Variants in USP54 observed in about 807,000 individuals in gnomAD.
USP54 encodes ubiquitin specific peptidase 54, also known as ubiquitin carboxyl-terminal hydrolase 54.
Under a neutral mutation model 170.5 loss-of-function variants are expected in USP54, and 87 were observed. The observed-to-expected ratio is 0.51, with a 90% CI of 0.43 to 0.61. The LOEUF (loss-of-function observed/expected upper bound fraction) is 0.61. Ranked by LOEUF, USP54 falls within the 20% of genes least tolerant of loss-of-function variation. USP54 has a pLI of 0.00. For missense variants in USP54, 1,786 were observed against 2,047.8 expected (o/e 0.87, Z 2.47); for synonymous variants, 655 against 742.8 (o/e 0.88, Z 1.92).
chr10:73,530,025 A>C, intron 14 of USP54, 114 bp from the exon 15 acceptor site: 1 of 1,499,534 alleles, frequency 6.7e-7, no homozygotes, highest in Non-Finnish European at 8.9e-7. Context: ...CATATCCCTA[A>C]AACACCCGAC....
chr10:73,551,711 T>C (rs919392591), intron 4 of USP54, among the ~76,000 whole-genome samples: 4 of 152,236 alleles, frequency 2.6e-5, no homozygotes, highest in African/African-American at 9.6e-5. Context: ...AAATTACTGC[T>C]GACATAGGCT....
At chr10:73,556,087 A>G (rs2070906952) in intron 4 of USP54, among the ~76,000 whole-genome samples, 1 of 152,184 alleles carries the variant, frequency 6.6e-6, no homozygotes, top group South Asian at 2.1e-4. Context: ...AAAACAATGA[A>G]GTTAACTCAA....
At chr10:73,500,601 G>A in intron 23 of USP54, 54 bp downstream of exon 23, 1 of 1,506,850 alleles carries the variant, frequency 6.6e-7, no homozygotes. Context: ...ACCCTTGGAG[G>A]CCCCTGAAAA....
In USP54 at chr10:73,535,933, A is replaced by G. The variant is rs556758938; in HGVS notation, c.1144+336T>C. Among the ~76,000 whole-genome samples, 278 of 152,344 alleles carry G rather than the reference A, an allele frequency of 1.8e-3. 1 individual carries two copies. Among genetic ancestry groups the G allele is most frequent in the African/African-American group, 5.9e-3 (244 of 41,572 alleles). Reference sequence around the variant, plus strand: ...TCAAATAAAACAACTCAATTAAGTCACTGGTAAATTGCTAATAAAAATCAG... The same window carrying G: ...TCAAATAAAACAACTCAATTAAGTCGCTGGTAAATTGCTAATAAAAATCAG... On this transcript the variant is annotated intron_variant, in intron 11 of 23. Coordinates refer to ENST00000687698, the MANE Select transcript of USP54 (RefSeq NM_001391956.1).
chr10:73,597,256 G>A (rs2078808980), intron 1 of USP54, among the ~76,000 whole-genome samples: 1 of 152,168 alleles, frequency 6.6e-6, no homozygotes, highest in Non-Finnish European at 1.5e-5. Flanking sequence ...CTTCTTGCCT[G>A]GGGACTAGAC....
chr10:73,624,518 T>C (rs1283917676), intron 1 of USP54: 1 of 151,862 alleles, frequency 6.6e-6, no homozygotes, highest in East Asian at 1.9e-4. Flanking sequence ...AAAAAGCCAT[T>C]ATTCTAATTA....
intron 17 of USP54, 123 bp from the exon 18 acceptor site, chr10:73,521,150 T>G: frequency 7.8e-7 from 1 of 1,285,906 alleles, no homozygotes; most frequent in Non-Finnish European, 1.1e-6. Context: ...TTATTCCAAC[T>G]GTCTATTCCT....
chr10:73,532,072 T>C (rs967266318), intron 12 of USP54, among the ~76,000 whole-genome samples: 1 of 152,230 alleles, frequency 6.6e-6, no homozygotes, highest in African/African-American at 2.4e-5. Context: ...ATATTTTCAA[T>C]CAGTTGCCCC....
At chr10:73,577,672 C>T (rs575873316) in intron 1 of USP54, among the ~76,000 whole-genome samples, 1 of 152,312 alleles carries the variant, frequency 6.6e-6, no homozygotes, top group African/African-American at 2.4e-5. Flanking sequence ...CCCAATTCAA[C>T]ACTGGTAAGT....
intron 20 of USP54, among the ~76,000 whole-genome samples, chr10:73,512,559 G>A (rs959605973): frequency 2.0e-5 from 3 of 151,996 alleles, no homozygotes; most frequent in Admixed American, 6.6e-5. Flanking sequence ...CCAGGCTGGA[G>A]GAGAGTGGCT....
chr10:73,502,093 TG>T (rs1434909443), intron 22 of USP54, among the ~76,000 whole-genome samples: 1 of 152,214 alleles, frequency 6.6e-6, no homozygotes, highest in Non-Finnish European at 1.5e-5. Flanking sequence ...TAGAACAATG[TG>T]GGCACTTAGT....
intron 3 of USP54, 67 bp downstream of exon 3, chr10:73,575,445 G>A (rs185599653): frequency 6.8e-7 from 1 of 1,460,852 alleles, no homozygotes; most frequent in African/African-American, 1.4e-5. Flanking sequence ...TTTAAAAAGA[G>A]TTATCAGAAA....
chr10:73,621,500 T>C (rs1401218295), intron 1 of USP54, among the ~76,000 whole-genome samples: 1 of 148,556 alleles, frequency 6.7e-6, no homozygotes, highest in African/African-American at 2.5e-5. Flanking sequence ...CTCAGGAGGC[T>C]GAGGCAGAAG....
At chr10:73,533,198 C>T (rs369168005) in intron 12 of USP54, among the ~76,000 whole-genome samples, 6 of 151,496 alleles carry the variant, frequency 4.0e-5, no homozygotes, top group African/African-American at 9.7e-5. Flanking sequence ...CCCAGCTACT[C>T]GGGAGGCTGA....
chr10:73,583,451 A>C (rs1449854620), intron 1 of USP54, among the ~76,000 whole-genome samples: 1 of 152,124 alleles, frequency 6.6e-6, no homozygotes, highest in Non-Finnish European at 1.5e-5. Flanking sequence ...ACGCCCAGCT[A>C]ATTTTTGTAT....
At chr10:73,599,010 G>C (rs1262308904) in intron 1 of USP54, among the ~76,000 whole-genome samples, 1 of 151,874 alleles carries the variant, frequency 6.6e-6, no homozygotes, top group East Asian at 1.9e-4. Context: ...ACCCAGGAAG[G>C]GGAGGTTGCA....
In USP54 at chr10:73,517,506, A is replaced by G; in HGVS notation, c.2920T>C (p.Leu974=). 3 of 1,614,174 alleles carry G rather than the reference A, an allele frequency of 1.9e-6. No homozygotes were observed. Among genetic ancestry groups the G allele is most frequent in the Middle Eastern group, 3.3e-4 (2 of 6,062 alleles). Residue 974 remains leucine (L), a synonymous_variant, in exon 20 of 24, where the codon TTA becomes CTA. Coordinates refer to ENST00000687698, the MANE Select transcript of USP54 (RefSeq NM_001391956.1). ...TCAGTCCACCCTGGTGCTTTAGGTAAACCTTGCCTGTGGAATGCAGAGGGT... is the reference window on the plus strand; with the variant it reads ...TCAGTCCACCCTGGTGCTTTAGGTAGACCTTGCCTGTGGAATGCAGAGGGT... ...IEPSAFHRQG[L]PKAPGWTEKN... is the part of the protein sequence containing the mutation.
At chr10:73,598,319 A>G (rs745572462) in intron 1 of USP54, among the ~76,000 whole-genome samples, 21 of 152,210 alleles carry the variant, frequency 1.4e-4, no homozygotes, top group East Asian at 1.9e-4. Flanking sequence ...ATCTCACACC[A>G]TATGCAAAAA....
intron 17 of USP54, 128 bp from the exon 18 acceptor site, chr10:73,521,155 A>T: frequency 7.9e-7 from 1 of 1,260,970 alleles, no homozygotes; most frequent in Non-Finnish European, 1.1e-6. Flanking sequence ...CCAACTGTCT[A>T]TTCCTATTAA....
Sources: gnomAD v4.1 joint callset for allele counts (sites outside exome capture counted in the v4.1 genomes callset) on GRCh38, gnomAD v4.1.1 for gene constraint, MANE v1.5 for transcripts, NCBI Gene and HGNC (gene_info 2026-07-23, HGNC 2026-07-21) for gene names.